Variants in PIK3R1 observed in about 807,000 individuals in gnomAD.
The protein encoded by PIK3R1 is phosphoinositide-3-kinase regulatory subunit 1.
Under a neutral mutation model 98.0 loss-of-function variants are expected in PIK3R1, and 29 were observed. That is an observed-to-expected ratio of 0.30 (90% CI 0.22 to 0.40). PIK3R1 has a LOEUF of 0.40. Among genes scored for constraint, PIK3R1 ranks in the 10% least tolerant of loss-of-function variants. The pLI is 1.00. For synonymous variants in PIK3R1, 282 were observed against 311.8 expected, an observed-to-expected ratio of 0.90 and a Z score of 1.01; for missense variants, 596 against 872.7, an observed-to-expected ratio of 0.68 and a Z score of 3.99.
rs531318827 is a variant in PIK3R1 at position 68,301,342 on chromosome 5, CTA to C, written c.*3765_*3766del. On this transcript the variant is annotated 3_prime_UTR_variant, in exon 16 of 16. Transcript: ENST00000521381. ...ATAGCATTAGCTGCCCAGGATGCTG[CTA>C]TATATATATATATATATATATATGT... 0.067 allele frequency: 3,516 copies of C among 52,192 alleles called. 104 individuals carry two copies. Among genetic ancestry groups the C allele is most frequent in the Non-Finnish European group, 0.09 (2,343 of 25,940 alleles). The allele number at this position is 52,192 out of a possible 1,614,324, so 3.2% of individuals were successfully genotyped here. A position where few individuals can be genotyped will look rare whatever the true frequency, so the allele number is the denominator to read the frequency against.
chr5:68,278,663 CA>C (rs1746680398), intron 4 of PIK3R1, among the ~76,000 whole-genome samples: 1 of 152,132 alleles, frequency 6.6e-6, no homozygotes, highest in Admixed American at 6.5e-5. Context: ...GAAACTTGGC[CA>C]GGCACAGTGG....
At chr5:68,256,028 T>C (rs1330928808) in intron 2 of PIK3R1, among the ~76,000 whole-genome samples, 1 of 152,184 alleles carries the variant, frequency 6.6e-6, no homozygotes, top group Non-Finnish European at 1.5e-5. Flanking sequence ...TTCACAAAAA[T>C]CTTTAACATC....
rs199526243 is a variant in PIK3R1, at chr5:68,262,382, ATT to A, written c.335-11004_335-11003del. 4.3e-3 allele frequency among the ~76,000 whole-genome samples: 363 copies of A among 84,546 alleles called. 3 individuals carry two copies. Among genetic ancestry groups the A allele is most frequent in the African/African-American group, 0.018 (348 of 19,092 alleles). 55.5% of individuals were successfully genotyped at this position (84,546 alleles called of 152,430 possible). On this transcript the variant is annotated intron_variant, in intron 2 of 15. Transcript: ENST00000521381. The stretch of plus-strand genomic sequence containing the variant: ...GAACATGACCAGGCTTCTTTCTATA[ATT>A]TTTATATATATATATATATACACAC...
At chr5:68,288,487 G>A in intron 7 of PIK3R1, 4 of 1,312,006 alleles carry the variant, frequency 3.0e-6, no homozygotes, top group Non-Finnish European at 3.9e-6. Flanking sequence ...CGGACGCACT[G>A]CCGGGCGGGG....
chr5:68,220,280 C>T (rs1744049438), intron 1 of PIK3R1, among the ~76,000 whole-genome samples: 1 of 152,170 alleles, frequency 6.6e-6, no homozygotes, highest in Admixed American at 6.5e-5. Flanking sequence ...AAGAAGTTTA[C>T]AGAATAGCAT....
At chr5:68,219,067 A>T (rs932089496) in intron 1 of PIK3R1, among the ~76,000 whole-genome samples, 1 of 152,204 alleles carries the variant, frequency 6.6e-6, no homozygotes, top group Non-Finnish European at 1.5e-5. Flanking sequence ...TTTCATGTAC[A>T]TTAAGCCACA....
intron 1 of PIK3R1, among the ~76,000 whole-genome samples, chr5:68,224,955 C>A (rs991623431): frequency 1.3e-5 from 2 of 152,218 alleles, no homozygotes; most frequent in African/African-American, 4.8e-5. Context: ...CTGTAGCAAC[C>A]ATTGCTACTT....
chr5:68,269,939 C>T (rs1746277124), intron 2 of PIK3R1, among the ~76,000 whole-genome samples: 1 of 151,662 alleles, frequency 6.6e-6, no homozygotes, highest in South Asian at 2.1e-4. Context: ...TTGCAAAATC[C>T]TGATCAGCTA....
Position 68,297,931 on chromosome 5 carries a change from A to C in PIK3R1, c.*330A>C. On this transcript the variant is annotated 3_prime_UTR_variant, in exon 16 of 16. Coordinates refer to ENST00000521381, the MANE Select transcript of PIK3R1 (RefSeq NM_181523.3). The stretch of plus-strand genomic sequence containing the variant: ...TGCAGGGACAAAGAGGCCTTTAACC[A>C]TGGTGCTTGTTAATGCTTTCTGAAG... The C allele has an allele frequency of 4.0e-6, 1 of 247,526 alleles. No individual in the cohort carries two copies. Among genetic ancestry groups the C allele is most frequent in the Non-Finnish European group, 7.8e-6 (1 of 127,506 alleles). The allele number at this position is 247,526 out of a possible 1,614,324, so 15.3% of individuals were successfully genotyped here.
intron 2 of PIK3R1, among the ~76,000 whole-genome samples, chr5:68,258,315 C>G (rs911425461): frequency 6.6e-6 from 1 of 152,150 alleles, no homozygotes; most frequent in Admixed American, 6.5e-5. Context: ...CATTAAACTG[C>G]ATGTTCTGGA....
In PIK3R1 at chr5:68,301,258, A is replaced by G. The variant is rs1009152239; in HGVS notation, c.*3657A>G. ...ATACTGGTATTATGGGTGGGGAGGA[A>G]ATAGAATTGAGTCAATTGGAAAGAC... On this transcript the variant is annotated 3_prime_UTR_variant, in exon 16 of 16. Coordinates refer to ENST00000521381, the MANE Select transcript of PIK3R1 (RefSeq NM_181523.3). 41 of 197,152 alleles carry G rather than the reference A, an allele frequency of 2.1e-4. No homozygotes were observed. The highest frequency in any genetic ancestry group is 9.4e-4 in the African/African-American group (40 of 42,750). The allele number at this position is 197,152 out of a possible 1,614,324, so 12.2% of individuals were successfully genotyped here. A position where few individuals can be genotyped will look rare whatever the true frequency, so the allele number is the denominator to read the frequency against.
intron 2 of PIK3R1, among the ~76,000 whole-genome samples, chr5:68,262,411 C>T (rs563566583): frequency 3.5e-4 from 49 of 140,968 alleles, no homozygotes; most frequent in Non-Finnish European, 6.6e-4. Context: ...TATACACACA[C>T]GCACACACAC....
chr5:68,242,517 T>G (rs1452157750), intron 2 of PIK3R1, among the ~76,000 whole-genome samples: 1 of 152,174 alleles, frequency 6.6e-6, no homozygotes, highest in Non-Finnish European at 1.5e-5. Context: ...CATGGGTAGA[T>G]AGGAACTCAA....
chr5:68,273,148 G>A (rs1297043018), intron 2 of PIK3R1, among the ~76,000 whole-genome samples: 1 of 152,156 alleles, frequency 6.6e-6, no homozygotes, highest in Non-Finnish European at 1.5e-5. Context: ...CCTGGGGAGG[G>A]TGGACCTGGG....
At chr5:68,281,809 T>A (rs1746855354) in intron 7 of PIK3R1, among the ~76,000 whole-genome samples, 1 of 152,212 alleles carries the variant, frequency 6.6e-6, no homozygotes, top group African/African-American at 2.4e-5. Flanking sequence ...ATATGCAGAT[T>A]ACCATATTTA....
At chr5:68,226,096 C>T (rs1409609955) in intron 1 of PIK3R1, among the ~76,000 whole-genome samples, 194 bp from the exon 2 acceptor site, 1 of 152,140 alleles carries the variant, frequency 6.6e-6, no homozygotes, top group Non-Finnish European at 1.5e-5. Flanking sequence ...GACACTCCTC[C>T]CCTCTGCCCC....
intron 7 of PIK3R1, among the ~76,000 whole-genome samples, chr5:68,287,340 T>C (rs1471347651): frequency 6.6e-6 from 1 of 152,070 alleles, no homozygotes; most frequent in Admixed American, 6.5e-5. Context: ...CAAAGGGAAG[T>C]GAGGAGCAGG....
At chr5:68,236,240 C>CT (rs944164934) in intron 2 of PIK3R1, among the ~76,000 whole-genome samples, 3 of 150,694 alleles carry the variant, frequency 2.0e-5, no homozygotes, top group Non-Finnish European at 3.0e-5. Flanking sequence ...ATATTATAAC[C>CT]TTTTTTTGTT....
chr5:68,253,382 T>C (rs1420458873), intron 2 of PIK3R1, among the ~76,000 whole-genome samples: 2 of 152,190 alleles, frequency 1.3e-5, no homozygotes, highest in East Asian at 3.8e-4. Flanking sequence ...TGTGAAAGGT[T>C]CCAGCCTTTT....
Sources: gnomAD v4.1 joint callset for allele counts (sites outside exome capture counted in the v4.1 genomes callset) on GRCh38, gnomAD v4.1.1 for gene constraint, MANE v1.5 for transcripts, NCBI Gene and HGNC (gene_info 2026-07-23, HGNC 2026-07-21) for gene names.